MITF: variants seen among roughly 807,000 people sequenced by gnomAD.
MITF encodes the protein microphthalmia-associated transcription factor.
A neutral mutation model predicts 60.5 loss-of-function variants in MITF; 17 were observed. The observed-to-expected ratio is 0.28, with a 90% CI of 0.19 to 0.42. MITF has a LOEUF of 0.42. MITF is among the 10% of genes least tolerant of loss of function. MITF has a pLI of 1.00. For synonymous variants in MITF, 260 were observed against 248.5 expected (o/e 1.05, Z -0.43); for missense variants, 622 against 683.5 (o/e 0.91, Z 1.00).
At chr3:69,920,324 G>A (rs1239405341) in intron 2 of MITF, among the ~76,000 whole-genome samples, 2 of 151,968 alleles carry the variant, frequency 1.3e-5, no homozygotes, top group Non-Finnish European at 2.9e-5. Flanking sequence ...CCTTTTCCCC[G>A]GGGGAGTTTA....
intron 5 of MITF, among the ~76,000 whole-genome samples, chr3:69,941,887 A>G (rs997038684): frequency 1.1e-4 from 16 of 151,980 alleles, no homozygotes; most frequent in African/African-American, 3.6e-4. Context: ...CATTCCTTAC[A>G]TTTTAGTCTT....
At chr3:69,828,938 TCGTGTG>T (rs1378554372) in intron 1 of MITF, among the ~76,000 whole-genome samples, 56 of 113,346 alleles carry the variant, frequency 4.9e-4, no homozygotes, top group African/African-American at 7.2e-4. Flanking sequence ...TACTGGAATA[TCGTGTG>T]AGTGTGTGTG....
intron 2 of MITF, among the ~76,000 whole-genome samples, chr3:69,931,782 G>A (rs2065729948): frequency 6.6e-6 from 1 of 152,172 alleles, no homozygotes; most frequent in Non-Finnish European, 1.5e-5. Context: ...GATTTACACA[G>A]TTTTATCTTC....
intron 1 of MITF, among the ~76,000 whole-genome samples, chr3:69,840,151 G>T (rs80066153): frequency 6.6e-6 from 1 of 152,178 alleles, no homozygotes; most frequent in African/African-American, 2.4e-5. Flanking sequence ...CACACTCCTA[G>T]ACCTTACTTC....
At chr3:69,797,979 A>T (rs1225061433) in intron 1 of MITF, among the ~76,000 whole-genome samples, 1 of 152,208 alleles carries the variant, frequency 6.6e-6, no homozygotes, top group Non-Finnish European at 1.5e-5. Flanking sequence ...TTTCATTTTT[A>T]ATTAATCAGC....
chr3:69,797,218 G>A (rs1407459805), intron 1 of MITF, among the ~76,000 whole-genome samples: 1 of 152,104 alleles, frequency 6.6e-6, no homozygotes, highest in East Asian at 1.9e-4. Flanking sequence ...AGTGATACAG[G>A]AAATCTAAAA....
chr3:69,942,639 T>C (rs2065995906), intron 5 of MITF, among the ~76,000 whole-genome samples: 1 of 152,080 alleles, frequency 6.6e-6, no homozygotes, highest in African/African-American at 2.4e-5. Flanking sequence ...TGTTCTACTA[T>C]TGTGATGAAA....
chr3:69,753,613 G>A (rs1035932881), intron 1 of MITF, among the ~76,000 whole-genome samples: 1 of 152,248 alleles, frequency 6.6e-6, no homozygotes, highest in African/African-American at 2.4e-5. Flanking sequence ...CCACAGGGGT[G>A]GAACTGCCCA....
chr3:69,910,302 T>G (rs2065195342), intron 2 of MITF, among the ~76,000 whole-genome samples: 1 of 152,232 alleles, frequency 6.6e-6, no homozygotes, highest in South Asian at 2.1e-4. Context: ...AATGCCTGGA[T>G]GCTCAGGCAA....
At chr3:69,848,988 G>A (rs530647677) in intron 1 of MITF, among the ~76,000 whole-genome samples, 2 of 128,454 alleles carry the variant, frequency 1.6e-5, no homozygotes, top group South Asian at 2.5e-4. Context: ...TTTTTGAGAC[G>A]GAGTCTCGCT....
At chr3:69,845,227 CT>C (rs1356147624) in intron 1 of MITF, among the ~76,000 whole-genome samples, 1 of 151,646 alleles carries the variant, frequency 6.6e-6, no homozygotes, top group Non-Finnish European at 1.5e-5. Flanking sequence ...GCTTTAAGTC[CT>C]TTTAGAAAGA....
intron 1 of MITF, among the ~76,000 whole-genome samples, chr3:69,787,668 AC>A (rs887935719): frequency 1.3e-5 from 2 of 152,010 alleles, no homozygotes; most frequent in African/African-American, 4.8e-5. Flanking sequence ...AGTATAAATT[AC>A]CCTCACTTTT....
At chr3:69,778,333 G>C (rs2062508301) in intron 1 of MITF, among the ~76,000 whole-genome samples, 1 of 152,290 alleles carries the variant, frequency 6.6e-6, no homozygotes, top group Middle Eastern at 3.4e-3. Context: ...TCATTTGACT[G>C]TTTTAGAACG....
At chr3:69,835,015 C>CTT (rs142347719) in intron 1 of MITF, among the ~76,000 whole-genome samples, 15,538 of 69,108 alleles carry the variant, frequency 0.22, 1,966 homozygotes, top group Non-Finnish European at 0.29. Context: ...GCTCTTTTAC[C>CTT]TTTTTTTTTT....
chr3:69,769,157 G>A (rs941354051), intron 1 of MITF, among the ~76,000 whole-genome samples: 2 of 152,108 alleles, frequency 1.3e-5, no homozygotes, highest in African/African-American at 2.4e-5. Context: ...GTATGACATT[G>A]AGCAACTTGT....
intron 1 of MITF, among the ~76,000 whole-genome samples, chr3:69,846,142 T>G (rs2063728474): frequency 1.4e-5 from 2 of 148,144 alleles, no homozygotes; most frequent in Admixed American, 1.3e-4. Context: ...GGGCTTTTTT[T>G]TTTTTTTAAC....
At chr3:69,964,008 C>T (rs2066619876) in intron 9 of MITF, among the ~76,000 whole-genome samples, 2 of 96,944 alleles carry the variant, frequency 2.1e-5, no homozygotes, top group Non-Finnish European at 3.9e-5. Context: ...TGGTCTTTCA[C>T]TCTTCTAGCC....
chr3:69,778,590 C>T (rs2062513603), intron 1 of MITF, among the ~76,000 whole-genome samples: 1 of 152,152 alleles, frequency 6.6e-6, no homozygotes, highest in Non-Finnish European at 1.5e-5. Flanking sequence ...TGCCGCTCCT[C>T]TGGGCATCAC....
intron 1 of MITF, among the ~76,000 whole-genome samples, chr3:69,741,342 G>A (rs1161208276): frequency 6.6e-6 from 1 of 152,198 alleles, no homozygotes; most frequent in Non-Finnish European, 1.5e-5. Context: ...CAGAATGAGG[G>A]AATGAGTGTG....
Sources: gnomAD v4.1 joint callset for allele counts (sites outside exome capture counted in the v4.1 genomes callset) on GRCh38, gnomAD v4.1.1 for gene constraint, MANE v1.5 for transcripts, NCBI Gene and HGNC (gene_info 2026-07-23, HGNC 2026-07-21) for gene names.